Variants in ZMAT4 observed in about 807,000 individuals in gnomAD.
The protein encoded by ZMAT4 is zinc finger matrin-type 4.
A neutral mutation model predicts 28.7 loss-of-function variants in ZMAT4; 17 were observed. The observed-to-expected ratio is 0.59, with a 90% CI of 0.41 to 0.89. The LOEUF (loss-of-function observed/expected upper bound fraction) is 0.89. Among genes scored for constraint, ZMAT4 ranks in the 40% least tolerant of loss-of-function variants. The pLI is 0.00. For missense variants in ZMAT4, 240 were observed against 283.8 expected (o/e 0.85, Z 1.11); for synonymous variants, 117 against 109.2 (o/e 1.07, Z -0.44).
chr8:40,536,340 T>C (rs1802846480), intron 6 of ZMAT4, among the ~76,000 whole-genome samples: 1 of 152,180 alleles, frequency 6.6e-6, no homozygotes, highest in Non-Finnish European at 1.5e-5. Flanking sequence ...GTCCTACTCC[T>C]GGTCTGTGGC....
rs1157894044 is a variant in ZMAT4 at position 40,787,387 on chromosome 8, C to T, written c.103-19657G>A. Among the ~76,000 whole-genome samples the T allele has an allele frequency of 4.6e-5, 7 of 152,344 alleles. No individual in the cohort carries two copies. In the East Asian group the frequency reaches 1.4e-3, roughly 29 times the overall value. ...TTAATGCCTTTCCATCTTAACTAAG[C>T]ACTTATCACACACTGTGGTCATAAC... On this transcript the variant is annotated intron_variant, in intron 2 of 6. Coordinates refer to ENST00000297737, the MANE Select transcript of ZMAT4 (RefSeq NM_024645.3).
chr8:40,630,477 A>G (rs1330557318), intron 5 of ZMAT4, among the ~76,000 whole-genome samples: 1 of 152,194 alleles, frequency 6.6e-6, no homozygotes, highest in Non-Finnish European at 1.5e-5. Context: ...AAACTCACAC[A>G]ACCAAACCGT....
intron 3 of ZMAT4, among the ~76,000 whole-genome samples, chr8:40,725,816 A>G (rs913456266): frequency 6.6e-6 from 1 of 152,206 alleles, no homozygotes; most frequent in African/African-American, 2.4e-5. Context: ...ATGTCAGCCT[A>G]CTTTCAGAGA....
At chr8:40,600,896 A>C (rs570271334) in intron 5 of ZMAT4, among the ~76,000 whole-genome samples, 1 of 152,110 alleles carries the variant, frequency 6.6e-6, no homozygotes, top group African/African-American at 2.4e-5. Context: ...GAAAATAAGC[A>C]ACTTTTGTCC....
chr8:40,667,464 A>G (rs544831211), intron 5 of ZMAT4, among the ~76,000 whole-genome samples: 3 of 152,246 alleles, frequency 2.0e-5, no homozygotes, highest in South Asian at 2.1e-4. Context: ...CTGTCCTGCA[A>G]TAATTTCATA....
chr8:40,607,556 G>T (rs1311748737), intron 5 of ZMAT4, among the ~76,000 whole-genome samples: 1 of 151,582 alleles, frequency 6.6e-6, no homozygotes, highest in African/African-American at 2.4e-5. Flanking sequence ...TTTTTTTCTT[G>T]GCTTGGATCC....
At chr8:40,724,677 G>A (rs1027821645) in intron 3 of ZMAT4, among the ~76,000 whole-genome samples, 2 of 152,184 alleles carry the variant, frequency 1.3e-5, no homozygotes, top group Non-Finnish European at 2.9e-5. Flanking sequence ...GGGAAGCACA[G>A]AAGAGACAAT....
intron 6 of ZMAT4, among the ~76,000 whole-genome samples, chr8:40,561,260 T>A (rs1563340686): frequency 6.6e-6 from 1 of 152,164 alleles, no homozygotes; most frequent in Non-Finnish European, 1.5e-5. Context: ...TCAGCACTTT[T>A]AATGCTGTGG....
At position 40,845,489 on chromosome 8, in the gene ZMAT4, T is replaced by C. The variant is rs553882070; in HGVS notation, c.-4-19809A>G. Among the ~76,000 whole-genome samples, 20 of 152,232 alleles carry C rather than the reference T, an allele frequency of 1.3e-4. No homozygotes were observed. In the South Asian group the frequency reaches 3.9e-3, roughly 30 times the overall value. ...TGCCAGTTGACAATTTTTCTGCTTC[T>C]GAAAAATAATGCGGCTTTTGCTGAA... On this transcript the variant is annotated intron_variant, in intron 1 of 6. Transcript: ENST00000297737.
chr8:40,862,113 ACG>A (rs1817514704), intron 1 of ZMAT4, among the ~76,000 whole-genome samples: 5 of 141,112 alleles, frequency 3.5e-5, no homozygotes, highest in Non-Finnish European at 6.5e-5. Flanking sequence ...ATAAAGACAC[ACG>A]CACACGTATG....
At chr8:40,555,724 T>C (rs897762492) in intron 6 of ZMAT4, among the ~76,000 whole-genome samples, 1 of 152,096 alleles carries the variant, frequency 6.6e-6, no homozygotes, top group African/African-American at 2.4e-5. Context: ...ACTGATGAGA[T>C]TGATCATTTA....
chr8:40,854,536 G>C (rs112032749), intron 1 of ZMAT4, among the ~76,000 whole-genome samples: 42 of 152,324 alleles, frequency 2.8e-4, no homozygotes, highest in African/African-American at 9.4e-4. Flanking sequence ...GGACCTCAGG[G>C]AGTCCAATGC....
chr8:40,633,136 A>AT (rs1244419164), intron 5 of ZMAT4, among the ~76,000 whole-genome samples: 1 of 152,094 alleles, frequency 6.6e-6, no homozygotes, highest in Admixed American at 6.5e-5. Context: ...ATTAACATTA[A>AT]TTTTTTGACT....
At chr8:40,805,065 T>C (rs1414850574) in intron 2 of ZMAT4, among the ~76,000 whole-genome samples, 1 of 150,942 alleles carries the variant, frequency 6.6e-6, no homozygotes, top group African/African-American at 2.4e-5. Flanking sequence ...AAAGGGCTAA[T>C]ATCCAGAATC....
intron 6 of ZMAT4, among the ~76,000 whole-genome samples, chr8:40,562,862 A>T (rs1436494463): frequency 6.6e-6 from 1 of 152,162 alleles, no homozygotes; most frequent in Non-Finnish European, 1.5e-5. Context: ...TTAGAAAAGA[A>T]ATACAAAATA....
chr8:40,574,394 C>G (rs192048631), intron 6 of ZMAT4, among the ~76,000 whole-genome samples: 1 of 151,484 alleles, frequency 6.6e-6, no homozygotes, highest in Non-Finnish European at 1.5e-5. Flanking sequence ...CTATATAAAA[C>G]CAAAAAATAT....
intron 6 of ZMAT4, among the ~76,000 whole-genome samples, chr8:40,549,928 A>G (rs569011905): frequency 8.3e-4 from 126 of 152,160 alleles, no homozygotes; most frequent in African/African-American, 2.8e-3. Context: ...TGTTTCTCCA[A>G]CCAAAGGGCA....
intron 2 of ZMAT4, among the ~76,000 whole-genome samples, chr8:40,774,880 TAGA>T (rs1554554785): frequency 2.6e-5 from 4 of 152,218 alleles, no homozygotes; most frequent in Non-Finnish European, 5.9e-5. Flanking sequence ...TTAGATTACT[TAGA>T]AGATCAAATC....
intron 5 of ZMAT4, among the ~76,000 whole-genome samples, chr8:40,617,747 CAGA>C (rs1463870359): frequency 6.6e-6 from 1 of 152,206 alleles, no homozygotes; most frequent in African/African-American, 2.4e-5. Flanking sequence ...CAATAAAATC[CAGA>C]AGAAGAACCA....
Sources: allele counts gnomAD v4.1 joint callset (sites outside exome capture counted in the v4.1 genomes callset), GRCh38; gene constraint gnomAD v4.1.1; transcripts MANE v1.5; gene names NCBI Gene and HGNC (gene_info 2026-07-23, HGNC 2026-07-21).